Variants in UVRAG observed in about 807,000 individuals in gnomAD.
UVRAG encodes UV radiation resistance-associated gene protein.
A neutral mutation model predicts 78.0 loss-of-function variants in UVRAG; 19 were observed. The ratio of observed to expected loss-of-function variants is 0.24; its 90% CI spans 0.17 to 0.36. The LOEUF is 0.36. Among genes scored for constraint, UVRAG ranks in the 10% least tolerant of loss-of-function variants. The pLI is 1.00. For synonymous variants in UVRAG, 323 were observed against 324.6 expected, an observed-to-expected ratio of 1.00 and a Z score of 0.05; for missense variants, 740 against 853.8, an observed-to-expected ratio of 0.87 and a Z score of 1.66.
intron 13 of UVRAG, among the ~76,000 whole-genome samples, chr11:76,092,004 GC>G (rs1198497073): frequency 6.6e-6 from 1 of 151,734 alleles, no homozygotes; most frequent in Non-Finnish European, 1.5e-5. Context: ...CCCACAACAG[GC>G]CCCGGCGTGT....
intron 13 of UVRAG, among the ~76,000 whole-genome samples, chr11:76,114,513 G>A (rs755346762): frequency 1.3e-5 from 2 of 152,072 alleles, no homozygotes; most frequent in Non-Finnish European, 2.9e-5. Flanking sequence ...CTGGGGTTCA[G>A]TTTTCCCATC....
rs570019335 is a variant in UVRAG, at chr11:75,901,991, C to T, written c.508-9963C>T. Among the ~76,000 whole-genome samples the T allele has an allele frequency of 6.6e-5, 10 of 152,192 alleles. No homozygotes were observed. The South Asian group carries it at 8.3e-4, about 13-fold the overall frequency. On this transcript the variant is annotated intron_variant, in intron 5 of 14. Transcript: ENST00000356136. ...CTTATCCTATTATATTCTGATTGCC[C>T]GTTTGCTTACCTCTCTTACCTGCTA...
chr11:75,973,083 T>C (rs947066278), intron 7 of UVRAG, among the ~76,000 whole-genome samples: 3 of 152,206 alleles, frequency 2.0e-5, no homozygotes, highest in African/African-American at 7.2e-5. Flanking sequence ...CTATGGTGAA[T>C]AGGAGCGAAA....
At chr11:76,126,674 AC>A (rs1380747748) in intron 14 of UVRAG, among the ~76,000 whole-genome samples, 6 of 152,352 alleles carry the variant, frequency 3.9e-5, no homozygotes, top group South Asian at 2.1e-4. Context: ...TTGCCAAAAA[AC>A]ATCACCTAAA....
At chr11:76,007,875 A>G (rs1436475679) in intron 10 of UVRAG, among the ~76,000 whole-genome samples, 1 of 151,966 alleles carries the variant, frequency 6.6e-6, no homozygotes, top group East Asian at 1.9e-4. Context: ...TGGTTTCTTT[A>G]GGATCTTTTT....
chr11:75,986,608 CGG>C (rs775838965), intron 8 of UVRAG, among the ~76,000 whole-genome samples: 3 of 152,020 alleles, frequency 2.0e-5, no homozygotes, highest in Non-Finnish European at 4.4e-5. Context: ...ATTAAAAAAT[CGG>C]ATTATTGAGA....
intron 12 of UVRAG, among the ~76,000 whole-genome samples, chr11:76,045,393 T>C (rs943201027): frequency 4.6e-5 from 7 of 152,226 alleles, no homozygotes; most frequent in African/African-American, 1.7e-4. Context: ...TTTAGTGCCT[T>C]GCTTTTAAAA....
rs562442842 is a variant in UVRAG, at chr11:75,981,452, G to A, written c.700-1935G>A. The stretch of plus-strand genomic sequence containing the variant: ...TTTAGCCACTATTTCTTTTCTTTTC[G>A]TTTTTTTTTTGTGTGTGTGACAGGG... On this transcript the variant is annotated intron_variant, in intron 7 of 14. Transcript: ENST00000356136. 1.2e-4 allele frequency among the ~76,000 whole-genome samples: 18 copies of A among 146,796 alleles called. No individual in the cohort carries two copies. The East Asian group carries it at 1.4e-3, about 11-fold the overall frequency.
chr11:75,947,722 G>C (rs1333004589), intron 6 of UVRAG, among the ~76,000 whole-genome samples: 1 of 152,118 alleles, frequency 6.6e-6, no homozygotes, highest in African/African-American at 2.4e-5. Flanking sequence ...TGAAGACCAC[G>C]GGCTTTGGAG....
At chr11:76,012,265 A>G (rs1234320203) in intron 11 of UVRAG, among the ~76,000 whole-genome samples, 1 of 152,034 alleles carries the variant, frequency 6.6e-6, no homozygotes, top group Non-Finnish European at 1.5e-5. Context: ...AATTCTCACA[A>G]CTGTGAGAAT....
intron 9 of UVRAG, among the ~76,000 whole-genome samples, chr11:76,004,846 A>G (rs1949897185): frequency 6.6e-6 from 1 of 152,060 alleles, no homozygotes; most frequent in African/African-American, 2.4e-5. Context: ...GCCTGTAATA[A>G]ATTGGCACCT....
At chr11:76,109,335 A>C (rs1591247672) in intron 13 of UVRAG, among the ~76,000 whole-genome samples, 1 of 152,264 alleles carries the variant, frequency 6.6e-6, no homozygotes, top group East Asian at 1.9e-4. Context: ...CTCTTGCTTA[A>C]AACCCTGGAG....
intron 12 of UVRAG, among the ~76,000 whole-genome samples, chr11:76,044,012 AATCCAGGGCTGGAGTGGCAGT>A (rs1222586238): frequency 6.6e-6 from 1 of 152,226 alleles, no homozygotes; most frequent in African/African-American, 2.4e-5. Context: ...AGGGATCAGT[AATCCAGGGCTGGAGTGGCAGT>A]TCCGTAAATG....
chr11:76,136,211 G>A (rs1269658731), intron 14 of UVRAG, among the ~76,000 whole-genome samples: 1 of 152,038 alleles, frequency 6.6e-6, no homozygotes, highest in Non-Finnish European at 1.5e-5. Flanking sequence ...ACTAAAATAT[G>A]AATGAAGGGT....
chr11:75,921,001 G>T (rs992401311), intron 6 of UVRAG, among the ~76,000 whole-genome samples: 1 of 152,092 alleles, frequency 6.6e-6, no homozygotes, highest in Admixed American at 6.6e-5. Flanking sequence ...TTTTTAATGC[G>T]TGTTTGTTTT....
intron 3 of UVRAG, among the ~76,000 whole-genome samples, chr11:75,869,283 G>C (rs1343540572): frequency 6.6e-6 from 1 of 152,188 alleles, no homozygotes. Flanking sequence ...GGGAAAGCAT[G>C]TGGCATAATT....
chr11:75,975,300 G>A (rs1160158383), intron 7 of UVRAG, among the ~76,000 whole-genome samples: 4 of 152,306 alleles, frequency 2.6e-5, no homozygotes, highest in Non-Finnish European at 5.9e-5. Context: ...CAGGTATTGT[G>A]ATGCCTCTAG....
Position 76,016,843 on chromosome 11 carries a change from C to T in UVRAG, c.1089C>T (p.Ala363=), listed in dbSNP as rs1950154777. ...QAKDDGSIAV[A]LGYTAHLVSM... ...AAGATGATGGAAGCATTGCTGTTGCCCTTGGTTATACTGCACATCTGGTCT... is the reference window on the plus strand; with the variant it reads ...AAGATGATGGAAGCATTGCTGTTGCTCTTGGTTATACTGCACATCTGGTCT... Residue 363 remains alanine (A), a synonymous_variant, in exon 12 of 15, where the codon GCC becomes GCT. Transcript: ENST00000356136. The T allele has an allele frequency of 1.2e-6, 2 of 1,602,478 alleles. No homozygotes were observed. Among genetic ancestry groups the T allele is most frequent in the East Asian group, 2.2e-5 (1 of 44,598 alleles).
chr11:75,932,299 T>TTATG (rs983675708), intron 6 of UVRAG, among the ~76,000 whole-genome samples: 1 of 151,788 alleles, frequency 6.6e-6, no homozygotes, highest in Non-Finnish European at 1.5e-5. Context: ...ATTTATTTAT[T>TTATG]TATTGAGATG....
Sources: allele counts gnomAD v4.1 joint callset (sites outside exome capture counted in the v4.1 genomes callset), GRCh38; gene constraint gnomAD v4.1.1; transcripts MANE v1.5; gene names NCBI Gene and HGNC (gene_info 2026-07-23, HGNC 2026-07-21).